Variants in CHRM5 observed in about 807,000 individuals in gnomAD.
CHRM5 encodes the protein muscarinic acetylcholine receptor M5.
In CHRM5, 18 loss-of-function variants were observed where a neutral mutation model predicts 39.0. That is an observed-to-expected ratio of 0.46 (90% confidence interval 0.32 to 0.68). The LOEUF (loss-of-function observed/expected upper bound fraction) is 0.68. Ranked by LOEUF, CHRM5 falls within the 30% of genes least tolerant of loss-of-function variation. The pLI is 0.04. For missense variants in CHRM5, 515 were observed against 651.1 expected (o/e 0.79, Z 2.28); for synonymous variants, 241 against 246.3 (o/e 0.98, Z 0.20).
At chr15:34,032,053 A>T (rs1567478976) in intron 1 of CHRM5, among the ~76,000 whole-genome samples, 1 of 141,256 alleles carries the variant, frequency 7.1e-6, no homozygotes, top group Admixed American at 7.4e-5. Flanking sequence ...GGCTTCTAAC[A>T]AAAGAAAAAA....
chr15:34,042,561 C>A (rs935135633), intron 1 of CHRM5, among the ~76,000 whole-genome samples: 5 of 151,786 alleles, frequency 3.3e-5, no homozygotes, highest in Non-Finnish European at 2.9e-5. Flanking sequence ...CCACCACGCC[C>A]GGCTAATTTT....
In CHRM5 at chr15:34,066,249, C is replaced by A. The variant is rs1231907008; in HGVS notation, c.*1933C>A. 6.6e-6 allele frequency: 1 copy of A among 152,266 alleles called. No individual in the cohort carries two copies. The highest frequency in any genetic ancestry group is 6.5e-5 in the Admixed American group (1 of 15,292). The allele number at this position is 152,266 out of a possible 1,614,324, so 9.4% of individuals were successfully genotyped here. On this transcript the variant is annotated 3_prime_UTR_variant, in exon 3 of 3. Transcript: ENST00000383263. Reference sequence around the variant, plus strand: ...CCGTGATGCCAACTGGGTGTGACTTCATGAGCAAACCTGCTCTACCAGCGC... The same window carrying A: ...CCGTGATGCCAACTGGGTGTGACTTAATGAGCAAACCTGCTCTACCAGCGC...
chr15:33,996,853 G>A (rs1214051114), intron 1 of CHRM5, among the ~76,000 whole-genome samples: 1 of 152,236 alleles, frequency 6.6e-6, no homozygotes. Flanking sequence ...GATGGAGAAT[G>A]ACTTTGATGA....
intron 2 of CHRM5, among the ~76,000 whole-genome samples, chr15:34,052,040 C>CA (rs1179010629): frequency 2.6e-5 from 4 of 151,684 alleles, no homozygotes; most frequent in Admixed American, 6.6e-5. Flanking sequence ...AGAGATACAA[C>CA]AAAAAAAAGA....
rs188954456 is a variant in CHRM5, at chr15:34,014,790, G to A, written c.-407-31750G>A. On this transcript the variant is annotated intron_variant, in intron 1 of 2. Transcript: ENST00000383263. Reference sequence around the variant, plus strand: ...GGAATTTGCAGCTAAGGCTGAAGGAGCTGAGAATGTGGCCCCTTGACCTCT... The same window carrying A: ...GGAATTTGCAGCTAAGGCTGAAGGAACTGAGAATGTGGCCCCTTGACCTCT... Among the ~76,000 whole-genome samples, 3 of 152,322 alleles carry A rather than the reference G, an allele frequency of 2.0e-5. No homozygotes were observed. In the East Asian group the frequency reaches 5.8e-4, roughly 29 times the overall value.
chr15:34,063,194 C>T lies in CHRM5; in HGVS notation c.477C>T (p.Phe159=), dbSNP rs776670487. The T allele has an allele frequency of 1.9e-6, 3 of 1,614,106 alleles. No individual in the cohort carries two copies. The African/African-American group carries it at 4.0e-5, about 22-fold the overall frequency. The change falls in exon 3 of 3, where the codon TTC becomes TTT. Residue 159 remains phenylalanine (F), a synonymous_variant. Transcript: ENST00000383263. The surrounding 1 kb of genome is among the most constrained non-coding windows in gnomAD (Gnocchi z 4.1). ...IMIGLAWLIS[F]ILWAPAILCW... is the part of the protein sequence containing the mutation. Reference sequence around the variant, plus strand: ...TTGGCTTGGCCTGGCTGATCTCCTTCATCCTCTGGGCCCCAGCAATCCTCT... The same window carrying T: ...TTGGCTTGGCCTGGCTGATCTCCTTTATCCTCTGGGCCCCAGCAATCCTCT...
At chr15:34,044,996 C>T (rs1230771827) in intron 1 of CHRM5, among the ~76,000 whole-genome samples, 3 of 152,034 alleles carry the variant, frequency 2.0e-5, no homozygotes, top group African/African-American at 4.8e-5. Context: ...TGCAGTGAGC[C>T]GAGATCGTGC....
chr15:34,053,010 T>C (rs925615596), intron 2 of CHRM5, among the ~76,000 whole-genome samples: 4 of 151,962 alleles, frequency 2.6e-5, no homozygotes, highest in African/African-American at 9.7e-5. Flanking sequence ...AAAATTCATA[T>C]GGAACCAGGC....
At chr15:33,987,183 T>C (rs1193819747) in intron 1 of CHRM5, among the ~76,000 whole-genome samples, 2 of 152,232 alleles carry the variant, frequency 1.3e-5, no homozygotes, top group African/African-American at 4.8e-5. Flanking sequence ...GAGGATATTC[T>C]TTCCATCCCA....
chr15:34,049,240 G>A (rs1899839847), intron 2 of CHRM5, among the ~76,000 whole-genome samples: 2 of 152,122 alleles, frequency 1.3e-5, no homozygotes, highest in South Asian at 2.1e-4. Flanking sequence ...TCTGAAAGTG[G>A]GTAATAACAA....
intron 2 of CHRM5, among the ~76,000 whole-genome samples, chr15:34,047,801 T>C (rs561016502): frequency 1.3e-5 from 2 of 151,936 alleles, no homozygotes; most frequent in African/African-American, 4.8e-5. Context: ...CAGGCTGGAG[T>C]GCAATGGCGC....
In CHRM5 at chr15:33,983,150, G is replaced by GTA. The variant is rs1567447418; in HGVS notation, c.-408+14001_-408+14002insAT. On this transcript the variant is annotated intron_variant, in intron 1 of 2. Transcript: ENST00000383263. ...ACTCTGTGTGTGTGTGTGTGTGTGT[G>GTA]TGTGTGTGTATGTGTGTGTGTATAT... Among the ~76,000 whole-genome samples, 589 of 104,110 alleles carry GTA rather than the reference G, an allele frequency of 5.7e-3. 3 individuals carry two copies. Among genetic ancestry groups the GTA allele is most frequent in the African/African-American group, 0.036 (545 of 15,324 alleles). The allele number at this position is 104,110 out of a possible 152,430, so 68.3% of individuals were successfully genotyped here. A position where few individuals can be genotyped will look rare whatever the true frequency, so the allele number is the denominator to read the frequency against.
At chr15:34,025,078 G>C (rs138204310) in intron 1 of CHRM5, among the ~76,000 whole-genome samples, 6,312 of 152,014 alleles carry the variant, frequency 0.042, 421 homozygotes, top group African/African-American at 0.14. Context: ...GCTGAGGCAG[G>C]AGAATCGTTT....
chr15:34,042,112 T>C (rs1567485223), intron 1 of CHRM5, among the ~76,000 whole-genome samples: 1 of 152,188 alleles, frequency 6.6e-6, no homozygotes, highest in Admixed American at 6.6e-5. Context: ...CAAAAATGTG[T>C]TATTAAGGTT....
intron 1 of CHRM5, among the ~76,000 whole-genome samples, chr15:33,970,386 CAATTT>C (rs1458107087): frequency 6.6e-6 from 1 of 151,838 alleles, no homozygotes; most frequent in Non-Finnish European, 1.5e-5. Flanking sequence ...AGGAAAGCAG[CAATTT>C]AATACAAGTA....
At position 34,047,204 on chromosome 15, in the gene CHRM5, A is replaced by C. The variant is rs183010570; in HGVS notation, c.-76+333A>C. Among the ~76,000 whole-genome samples the C allele has an allele frequency of 5.8e-3, 877 of 151,692 alleles. 11 individuals are homozygous for C. The highest frequency in any genetic ancestry group is 0.021 in the African/African-American group (848 of 41,302). The stretch of plus-strand genomic sequence containing the variant: ...GCCATTCTCCTGCCTCAGCCTCCCG[A>C]GTAGCTGGGACTACAGGCGCCCGCC... On this transcript the variant is annotated intron_variant, in intron 2 of 2. Coordinates refer to ENST00000383263, the MANE Select transcript of CHRM5 (RefSeq NM_012125.4).
rs372901279 is a variant in CHRM5 at position 34,063,133 on chromosome 15, G to T, written c.416G>T (p.Arg139Leu). 6 of 1,613,926 alleles carry T rather than the reference G, an allele frequency of 3.7e-6. No homozygotes were observed. The African/African-American group carries it at 8.0e-5, about 22-fold the overall frequency. ...TCCATCACAAGACCCTTGACATATC[G>T]GGCCAAGCGTACTCCGAAAAGGGCT... ...YFSITRPLTY[R>L]AKRTPKRAGI... is the part of the protein sequence containing the mutation. The change falls in exon 3 of 3, where the codon CGG (arginine) becomes CTG (leucine). Residue 139 changes from arginine (R) to leucine (L), a missense_variant. Arg to Leu is a moderately radical substitution (Grantham distance 102). Transcript: ENST00000383263. This position sits in a 1 kb window ranked among gnomAD's most constrained non-coding sequence, Gnocchi z 4.1.
chr15:34,001,590 C>T (rs1897140869), intron 1 of CHRM5, among the ~76,000 whole-genome samples: 1 of 152,094 alleles, frequency 6.6e-6, no homozygotes, highest in Non-Finnish European at 1.5e-5. Context: ...ATATAGGTAC[C>T]AAGAGGGAAG....
chr15:34,044,451 T>C (rs1444906505), intron 1 of CHRM5, among the ~76,000 whole-genome samples: 1 of 152,216 alleles, frequency 6.6e-6, no homozygotes, highest in Non-Finnish European at 1.5e-5. Context: ...TTTAAAGATA[T>C]ATATAATCCT....
Sources: gnomAD v4.1 joint callset for allele counts (sites outside exome capture counted in the v4.1 genomes callset) on GRCh38, gnomAD v4.1.1 for gene constraint, Gnocchi (gnomAD v3.1) non-coding constraint, MANE v1.5 for transcripts, NCBI Gene and HGNC (gene_info 2026-07-23, HGNC 2026-07-21) for gene names.